Variants in VGLL4 observed in about 807,000 individuals in gnomAD.
VGLL4 encodes transcription cofactor vestigial-like protein 4.
Under a neutral mutation model 21.0 loss-of-function variants are expected in VGLL4, and 7 were observed. The observed-to-expected ratio is 0.33, with a 90% confidence interval of 0.19 to 0.63. The LOEUF (loss-of-function observed/expected upper bound fraction) is 0.63. Ranked by LOEUF, VGLL4 falls within the 20% of genes least tolerant of loss-of-function variation. VGLL4 has a pLI of 0.78. For synonymous variants in VGLL4, 222 were observed against 173.2 expected (o/e 1.28, Z -2.21); for missense variants, 394 against 425.7 (o/e 0.93, Z 0.66).
intron 1 of VGLL4, among the ~76,000 whole-genome samples, chr3:11,609,358 G>A (rs1405170688): frequency 3.9e-5 from 6 of 152,308 alleles, no homozygotes; most frequent in Non-Finnish European, 8.8e-5. Flanking sequence ...AGAAAAAGCA[G>A]ATTCAACAAA....
intron 1 of VGLL4, among the ~76,000 whole-genome samples, chr3:11,639,532 C>T (rs957149268): frequency 2.6e-5 from 4 of 152,208 alleles, no homozygotes; most frequent in African/African-American, 9.7e-5. Flanking sequence ...CGTGAGGGCA[C>T]CCAGGACGGG....
chr3:11,677,094 T>C (rs1459094476), intron 2 of VGLL4, among the ~76,000 whole-genome samples: 1 of 152,200 alleles, frequency 6.6e-6, no homozygotes, highest in Non-Finnish European at 1.5e-5. Context: ...ATATTTTGGT[T>C]GTTTTCAGTA....
intron 2 of VGLL4, among the ~76,000 whole-genome samples, chr3:11,686,502 T>C (rs1419672909): frequency 3.3e-5 from 5 of 152,016 alleles, no homozygotes; most frequent in Admixed American, 3.3e-4. Flanking sequence ...CAGGGGCTGG[T>C]AAATGGGGAA....
intron 2 of VGLL4, among the ~76,000 whole-genome samples, chr3:11,691,962 G>A (rs1256828443): frequency 7.2e-6 from 1 of 138,322 alleles, no homozygotes; most frequent in African/African-American, 2.6e-5. Context: ...GAGATGATGG[G>A]TAGGGAGAAG....
intron 2 of VGLL4, among the ~76,000 whole-genome samples, chr3:11,695,212 G>A (rs994408304): frequency 1.3e-5 from 2 of 151,970 alleles, no homozygotes. Flanking sequence ...ACCACAGCTG[G>A]CTAATTTTTG....
At chr3:11,636,650 G>A (rs954169321) in intron 1 of VGLL4, among the ~76,000 whole-genome samples, 2 of 152,144 alleles carry the variant, frequency 1.3e-5, no homozygotes, top group African/African-American at 4.8e-5. Context: ...CAGGAAAGTC[G>A]CTGTTCAGGC....
chr3:11,560,673 GAC>G (rs2072900449), intron 3 of VGLL4, among the ~76,000 whole-genome samples: 1 of 152,174 alleles, frequency 6.6e-6, no homozygotes, highest in Non-Finnish European at 1.5e-5. Flanking sequence ...AACAAGAAGC[GAC>G]ACATGCCAGG....
At chr3:11,635,329 G>C (rs1339942043) in intron 1 of VGLL4, among the ~76,000 whole-genome samples, 1 of 143,980 alleles carries the variant, frequency 6.9e-6, no homozygotes, top group Non-Finnish European at 1.5e-5. Flanking sequence ...TGAAGGGAAA[G>C]AAGCAGGAGA....
upstream of VGLL4, among the ~76,000 whole-genome samples, chr3:11,646,864 C>T (rs1483018463): frequency 1.3e-5 from 2 of 152,126 alleles, no homozygotes; most frequent in African/African-American, 4.8e-5. Flanking sequence ...CAAGTGTGAT[C>T]CAGAGGGGTT....
At chr3:11,709,219 C>T (rs1287319199) in intron 1 of VGLL4, among the ~76,000 whole-genome samples, 1 of 151,878 alleles carries the variant, frequency 6.6e-6, no homozygotes, top group Non-Finnish European at 1.5e-5. Flanking sequence ...GGGCGGATCA[C>T]AAGGTCAGGA....
intron 2 of VGLL4, among the ~76,000 whole-genome samples, chr3:11,579,699 TCCC>T (rs1197473738): frequency 6.6e-6 from 1 of 151,676 alleles, no homozygotes; most frequent in Non-Finnish European, 1.5e-5. Flanking sequence ...AGAAGCACCC[TCCC>T]CCCCAAGTTT....
chr3:11,666,016 C>T (rs988430036), intron 2 of VGLL4, among the ~76,000 whole-genome samples: 10 of 151,984 alleles, frequency 6.6e-5, no homozygotes, highest in Non-Finnish European at 1.2e-4. Flanking sequence ...TTTGGGAGGC[C>T]GAGGCGGGCG....
intron 2 of VGLL4, among the ~76,000 whole-genome samples, chr3:11,683,614 C>T (rs535203654): frequency 1.9e-4 from 29 of 152,098 alleles, no homozygotes; most frequent in Non-Finnish European, 3.8e-4. Context: ...GCCTAGCCAA[C>T]GAAACCCTGT....
chr3:11,573,279 GA>G, intron 2 of VGLL4, among the ~76,000 whole-genome samples: 1 of 15,484 alleles, frequency 6.5e-5, no homozygotes, highest in Non-Finnish European at 1.3e-4. Flanking sequence ...AAGAAAGAAA[GA>G]AAGAAAGAAA....
intron 1 of VGLL4, among the ~76,000 whole-genome samples, chr3:11,615,409 T>G (rs893549558): frequency 1.6e-4 from 24 of 152,222 alleles, no homozygotes; most frequent in African/African-American, 5.5e-4. Flanking sequence ...TTCTTTATGA[T>G]TAGATCTGAG....
At chr3:11,678,823 G>T (rs2076329983) in intron 2 of VGLL4, among the ~76,000 whole-genome samples, 1 of 152,198 alleles carries the variant, frequency 6.6e-6, no homozygotes, top group African/African-American at 2.4e-5. Flanking sequence ...TGTAAGTACA[G>T]TCATGCCCTG....
chr3:11,719,474 G>A lies in VGLL4; in HGVS notation c.-14+920C>T, dbSNP rs1377170450. 1 of 151,350 alleles carries A rather than the reference G, an allele frequency of 6.6e-6. No individual in the cohort carries two copies. Among genetic ancestry groups the A allele is most frequent in the Non-Finnish European group, 1.5e-5 (1 of 67,748 alleles). The allele number at this position is 151,350 out of a possible 1,614,324, so 9.4% of individuals were successfully genotyped here. A position where few individuals can be genotyped will look rare whatever the true frequency, so the allele number is the denominator to read the frequency against. ...CCGGCCTGGCCCTGCGGGGGACCCA[G>A]GGGCGGGGACGGGACCTGGGCACGC... On this transcript the variant is annotated intron_variant, in intron 1 of 5. Coordinates refer to the VGLL4 transcript ENST00000273038. This position sits in a 1 kb window ranked among gnomAD's most constrained non-coding sequence, Gnocchi z 4.0.
chr3:11,565,134 G>A lies in VGLL4; in HGVS notation c.273-115C>T, dbSNP rs1559861025. On this transcript the variant is annotated intron_variant, in intron 2 of 4. Coordinates refer to ENST00000430365, the MANE Select transcript of VGLL4 (RefSeq NM_001128219.3). This position sits in a 1 kb window ranked among gnomAD's most constrained non-coding sequence, Gnocchi z 4.1. ...AATTTTTTACCCTGAAGCTCAGGTC[G>A]TGTGGCTGGGCAGCACGATGAGGAG... 1.5e-5 allele frequency: 16 copies of A among 1,069,168 alleles called. No individual in the cohort carries two copies. The highest frequency in any genetic ancestry group is 6.5e-5 in the East Asian group (2 of 30,968). The allele number at this position is 1,069,168 out of a possible 1,614,324, so 66.2% of individuals were successfully genotyped here. A position where few individuals can be genotyped will look rare whatever the true frequency, so the allele number is the denominator to read the frequency against.
At chr3:11,610,444 G>C (rs538336339) in intron 1 of VGLL4, 1 of 152,150 alleles carries the variant, frequency 6.6e-6, no homozygotes. Flanking sequence ...CTGCCCAAGC[G>C]CAAGGATCGC....
Sources: allele counts gnomAD v4.1 joint callset (sites outside exome capture counted in the v4.1 genomes callset), GRCh38; gene constraint gnomAD v4.1.1; non-coding constraint Gnocchi (gnomAD v3.1); transcripts MANE v1.5; gene names NCBI Gene and HGNC (gene_info 2026-07-23, HGNC 2026-07-21).